Variants in TMEM117 observed in about 807,000 individuals in gnomAD.
The protein encoded by TMEM117 is transmembrane protein 117.
In TMEM117, 27 loss-of-function variants were observed where a neutral mutation model predicts 52.4. The ratio of observed to expected loss-of-function variants is 0.51; its 90% CI spans 0.38 to 0.71. The LOEUF (loss-of-function observed/expected upper bound fraction) is 0.71, where lower values mean the gene tolerates loss of function less well. TMEM117 is among the 30% of genes least tolerant of loss of function. The pLI, the probability that TMEM117 is intolerant of heterozygous loss-of-function variation, is 0.00. For synonymous variants in TMEM117, 215 were observed against 206.3 expected (o/e 1.04, Z -0.36); for missense variants, 556 against 630.5 (o/e 0.88, Z 1.26).
At chr12:44,137,476 C>T (rs369224237) in intron 3 of TMEM117, among the ~76,000 whole-genome samples, 6 of 151,998 alleles carry the variant, frequency 3.9e-5, no homozygotes, top group African/African-American at 1.4e-4. Flanking sequence ...AATGAAGATG[C>T]CTTGCAGAGT....
chr12:44,376,968 G>C (rs899364071), intron 7 of TMEM117, among the ~76,000 whole-genome samples: 4 of 152,176 alleles, frequency 2.6e-5, no homozygotes, highest in African/African-American at 9.6e-5. Context: ...GAAATACAGA[G>C]AATGGGGAAA....
chr12:44,328,546 CA>C (rs1481003268), intron 6 of TMEM117, among the ~76,000 whole-genome samples: 2 of 152,102 alleles, frequency 1.3e-5, no homozygotes, highest in African/African-American at 2.4e-5. Context: ...ACGGATCAGC[CA>C]CAGCAGCAAA....
At chr12:44,334,035 C>T (rs1951307240) in intron 6 of TMEM117, among the ~76,000 whole-genome samples, 2 of 151,956 alleles carry the variant, frequency 1.3e-5, no homozygotes, top group South Asian at 2.1e-4. Context: ...GTATTTACCT[C>T]GATAGAATTT....
chr12:43,806,411 C>T, the TMEM117 span: 1,209 of 1,155,726 alleles, frequency 1.0e-3, 15 homozygotes, highest in African/African-American at 0.018. Context: ...GTCCCCGCCG[C>T]CCCGCCGCCC....
At chr12:44,187,256 G>A (rs1387780301) in intron 4 of TMEM117, among the ~76,000 whole-genome samples, 1 of 151,978 alleles carries the variant, frequency 6.6e-6, no homozygotes, top group Admixed American at 6.6e-5. Context: ...AAAAATCAAG[G>A]TCATCATGAT....
the TMEM117 span, among the ~76,000 whole-genome samples, chr12:43,827,834 T>A: frequency 1.3e-5 from 2 of 152,152 alleles, no homozygotes; most frequent in African/African-American, 4.8e-5. Context: ...CAAGAAGAAA[T>A]CTTCCTGGAT....
the TMEM117 span, among the ~76,000 whole-genome samples, chr12:44,396,895 T>A: frequency 6.6e-6 from 1 of 151,698 alleles, no homozygotes; most frequent in East Asian, 1.9e-4. Context: ...GACTCATTTA[T>A]GTAGCATAAT....
chr12:44,121,121 T>G (rs1245556344), intron 3 of TMEM117, among the ~76,000 whole-genome samples: 1 of 152,182 alleles, frequency 6.6e-6, no homozygotes, highest in African/African-American at 2.4e-5. Context: ...CTTGTGAGAC[T>G]TATTCACTAT....
chr12:44,248,033 G>A (rs988395325), intron 5 of TMEM117, among the ~76,000 whole-genome samples: 2 of 152,226 alleles, frequency 1.3e-5, no homozygotes, highest in African/African-American at 4.8e-5. Context: ...ACAGCTTCCA[G>A]TTTGGGTCTC....
chr12:44,326,929 A>G (rs1951203604), intron 6 of TMEM117, among the ~76,000 whole-genome samples: 1 of 152,212 alleles, frequency 6.6e-6, no homozygotes, highest in Non-Finnish European at 1.5e-5. Context: ...GCCGTATGTT[A>G]AGCTCTAGTC....
intron 3 of TMEM117, among the ~76,000 whole-genome samples, chr12:43,955,014 G>A (rs549847758): frequency 9.9e-5 from 15 of 152,136 alleles, no homozygotes; most frequent in African/African-American, 3.6e-4. Flanking sequence ...CACCACATAA[G>A]CAGAACTAAA....
chr12:43,946,960 C>T (rs796417773), intron 3 of TMEM117, among the ~76,000 whole-genome samples: 3 of 152,266 alleles, frequency 2.0e-5, no homozygotes, highest in African/African-American at 7.2e-5. Flanking sequence ...GGAAAAGCAT[C>T]GTTTACTGAG....
intron 6 of TMEM117, among the ~76,000 whole-genome samples, chr12:44,313,032 T>C (rs1290370924): frequency 3.3e-5 from 5 of 152,180 alleles, no homozygotes; most frequent in African/African-American, 7.2e-5. Flanking sequence ...GGATGCATAA[T>C]TTGCAGATAT....
At chr12:44,368,351 G>GA (rs1355000489) in intron 6 of TMEM117, among the ~76,000 whole-genome samples, 2 of 152,092 alleles carry the variant, frequency 1.3e-5, no homozygotes, top group African/African-American at 4.8e-5. Context: ...AGACATTCCA[G>GA]AAAAAACATA....
intron 3 of TMEM117, among the ~76,000 whole-genome samples, chr12:44,093,195 G>T (rs575031090): frequency 1.3e-5 from 2 of 152,116 alleles, no homozygotes; most frequent in Admixed American, 1.3e-4. Context: ...GGTCAAGGGA[G>T]ATTTTTTTTC....
At chr12:44,234,449 T>C (rs1462361806) in intron 5 of TMEM117, among the ~76,000 whole-genome samples, 2 of 151,362 alleles carry the variant, frequency 1.3e-5, no homozygotes, top group Non-Finnish European at 3.0e-5. Flanking sequence ...GTGATGGCTT[T>C]TTTATCATTC....
At position 44,230,374 on chromosome 12, in the gene TMEM117, A is replaced by G. The variant is rs191087803; in HGVS notation, c.608+18987A>G. ...TCCCCTCCACCTCTCTCTCTCTGAAATGGCAATGTCATTCATTTAACTTTG... is the reference window on the plus strand; with the variant it reads ...TCCCCTCCACCTCTCTCTCTCTGAAGTGGCAATGTCATTCATTTAACTTTG... On this transcript the variant is annotated intron_variant, in intron 5 of 7. Coordinates refer to ENST00000266534, the MANE Select transcript of TMEM117 (RefSeq NM_032256.3). Among the ~76,000 whole-genome samples, 232 of 152,132 alleles carry G rather than the reference A, an allele frequency of 1.5e-3. 2 individuals carry two copies. Among genetic ancestry groups the G allele is most frequent in the African/African-American group, 5.3e-3 (219 of 41,506 alleles).
chr12:43,932,558 A>G (rs1264265421), intron 2 of TMEM117, among the ~76,000 whole-genome samples: 6 of 152,216 alleles, frequency 3.9e-5, no homozygotes, highest in Non-Finnish European at 8.8e-5. Flanking sequence ...AAGTACATCA[A>G]AAGAGTCCTG....
At chr12:44,029,579 G>GCTTT (rs1946600422) in intron 3 of TMEM117, among the ~76,000 whole-genome samples, 1 of 152,096 alleles carries the variant, frequency 6.6e-6, no homozygotes, top group Admixed American at 6.6e-5. Context: ...TGAGTGCCTC[G>GCTTT]CTTTCCCCAC....
Sources: gnomAD v4.1 joint callset for allele counts (sites outside exome capture counted in the v4.1 genomes callset) on GRCh38, gnomAD v4.1.1 for gene constraint, MANE v1.5 for transcripts, NCBI Gene and HGNC (gene_info 2026-07-23, HGNC 2026-07-21) for gene names.